Variants in CNTNAP5 observed in about 807,000 individuals in gnomAD.
CNTNAP5 encodes the protein contactin associated protein family member 5, also known as contactin-associated protein-like 5.
Under a neutral mutation model 150.2 loss-of-function variants are expected in CNTNAP5, and 72 were observed. The observed-to-expected ratio is 0.48, with a 90% CI of 0.40 to 0.58. CNTNAP5 has a LOEUF of 0.58. CNTNAP5 is among the 20% of genes least tolerant of loss of function. The pLI is 0.00. For synonymous variants in CNTNAP5, 672 were observed against 619.8 expected (o/e 1.08, Z -1.25); for missense variants, 1,636 against 1,626.2 (o/e 1.01, Z -0.10).
intron 1 of CNTNAP5, among the ~76,000 whole-genome samples, chr2:124,168,531 C>T (rs1047442354): frequency 2.6e-5 from 4 of 152,060 alleles, no homozygotes; most frequent in Non-Finnish European, 4.4e-5. Context: ...AAACCTGCTC[C>T]GATGTGGTTG....
chr2:124,076,590 G>C (rs563029992), intron 1 of CNTNAP5, among the ~76,000 whole-genome samples: 1 of 151,982 alleles, frequency 6.6e-6, no homozygotes, highest in Admixed American at 6.6e-5. Flanking sequence ...TTTTTTCTCA[G>C]TAATATCTGC....
At chr2:124,610,990 C>G (rs1006603943) in intron 12 of CNTNAP5, among the ~76,000 whole-genome samples, 1 of 151,120 alleles carries the variant, frequency 6.6e-6, no homozygotes, top group Non-Finnish European at 1.5e-5. Flanking sequence ...TGCAAGCACT[C>G]CTATTATGAG....
At chr2:124,589,614 C>CA (rs977697602) in intron 11 of CNTNAP5, among the ~76,000 whole-genome samples, 1 of 151,734 alleles carries the variant, frequency 6.6e-6, no homozygotes, top group Non-Finnish European at 1.5e-5. Flanking sequence ...AAACTTTGAA[C>CA]AAAAAAAAGC....
chr2:124,096,695 A>G (rs1003214794), intron 1 of CNTNAP5, among the ~76,000 whole-genome samples: 8 of 151,506 alleles, frequency 5.3e-5, no homozygotes, highest in African/African-American at 1.2e-4. Context: ...TTCTTTTATT[A>G]TTATTATTAT....
chr2:124,203,160 G>T (rs1333667709), intron 1 of CNTNAP5, among the ~76,000 whole-genome samples: 1 of 152,116 alleles, frequency 6.6e-6, no homozygotes, highest in East Asian at 1.9e-4. Context: ...TGGCCAAAAC[G>T]AAGGGGTTAC....
At chr2:124,713,997 G>A (rs879567307) in intron 13 of CNTNAP5, among the ~76,000 whole-genome samples, 2 of 151,974 alleles carry the variant, frequency 1.3e-5, no homozygotes, top group Non-Finnish European at 2.9e-5. Context: ...TTGCACATGT[G>A]GTTATTATTA....
chr2:124,036,506 G>T lies in CNTNAP5; in HGVS notation c.82+10774G>T, dbSNP rs563923135. ...GTGCTCTGTCAGTTGACAGTAATGGGGTCAACCAGGGCAGATGCTTTCTGA... is the reference window on the plus strand; with the variant it reads ...GTGCTCTGTCAGTTGACAGTAATGGTGTCAACCAGGGCAGATGCTTTCTGA... On this transcript the variant is annotated intron_variant, in intron 1 of 23. Transcript: ENST00000682447. Among the ~76,000 whole-genome samples, 3 of 152,008 alleles carry T rather than the reference G, an allele frequency of 2.0e-5. No individual in the cohort carries two copies. The South Asian group carries it at 6.3e-4, about 32-fold the overall frequency.
intron 1 of CNTNAP5, among the ~76,000 whole-genome samples, chr2:124,159,467 C>A (rs888510573): frequency 3.3e-5 from 5 of 150,634 alleles, no homozygotes; most frequent in Middle Eastern, 3.4e-3. Context: ...AGGTGGCAGG[C>A]CAGATTTGGC....
intron 8 of CNTNAP5, among the ~76,000 whole-genome samples, chr2:124,519,280 A>G (rs1276184953): frequency 2.0e-5 from 3 of 152,166 alleles, no homozygotes; most frequent in African/African-American, 7.2e-5. Context: ...TAGTGATTGT[A>G]TAACTCTGAA....
At chr2:124,092,874 A>G (rs1682847749) in intron 1 of CNTNAP5, among the ~76,000 whole-genome samples, 1 of 152,228 alleles carries the variant, frequency 6.6e-6, no homozygotes, top group Non-Finnish European at 1.5e-5. Context: ...AAATCACGTG[A>G]TACAAACAAT....
intron 5 of CNTNAP5, among the ~76,000 whole-genome samples, chr2:124,435,184 A>G (rs1192931449): frequency 6.6e-6 from 1 of 152,164 alleles, no homozygotes; most frequent in Non-Finnish European, 1.5e-5. Context: ...TCTTTTCTTT[A>G]GGTGCCCTCA....
intron 8 of CNTNAP5, among the ~76,000 whole-genome samples, chr2:124,512,610 T>C (rs765274998): frequency 2.0e-5 from 3 of 152,156 alleles, no homozygotes; most frequent in Non-Finnish European, 4.4e-5. Context: ...TCCCATTTAA[T>C]TCCTAGGAGC....
chr2:124,753,420 A>G (rs1394476246), intron 14 of CNTNAP5, among the ~76,000 whole-genome samples: 1 of 152,216 alleles, frequency 6.6e-6, no homozygotes, highest in East Asian at 1.9e-4. Flanking sequence ...TAGATAGGTC[A>G]GGCCATAGCC....
At chr2:124,622,059 A>G (rs929630260) in intron 12 of CNTNAP5, among the ~76,000 whole-genome samples, 2 of 152,026 alleles carry the variant, frequency 1.3e-5, no homozygotes, top group Non-Finnish European at 2.9e-5. Context: ...AGATCACCCC[A>G]TCACCTAGAT....
At chr2:124,080,974 T>C (rs1573739346) in intron 1 of CNTNAP5, among the ~76,000 whole-genome samples, 1 of 152,184 alleles carries the variant, frequency 6.6e-6, no homozygotes, top group African/African-American at 2.4e-5. Context: ...TAGTGATAAG[T>C]AGTCATTTGT....
In CNTNAP5 at chr2:124,033,976, G is replaced by A. The variant is rs554881184; in HGVS notation, c.82+8244G>A. 2.9e-4 allele frequency among the ~76,000 whole-genome samples: 44 copies of A among 152,216 alleles called. 2 individuals carry two copies. Among genetic ancestry groups the A allele is most frequent in the Admixed American group, 6.5e-5 (1 of 15,292 alleles). On this transcript the variant is annotated intron_variant, in intron 1 of 23. Transcript: ENST00000682447. The stretch of plus-strand genomic sequence containing the variant: ...GGGTATCTGGAAAAGGGAGGATAAT[G>A]TTTTGAATCTGGAAGGAGAAAGAAC...
At chr2:124,773,651 A>T (rs1397505669) in intron 17 of CNTNAP5, among the ~76,000 whole-genome samples, 2 of 152,082 alleles carry the variant, frequency 1.3e-5, no homozygotes, top group Non-Finnish European at 2.9e-5. Context: ...CACTACTTTC[A>T]TTCCACTCAT....
chr2:124,706,795 A>AAGAAGAAGAAGGAGGAGG (rs1553433527), intron 13 of CNTNAP5, among the ~76,000 whole-genome samples: 1 of 18,880 alleles, frequency 5.3e-5, no homozygotes, highest in Non-Finnish European at 1.0e-4. Flanking sequence ...GAAGAAGAAG[A>AAGAAGAAGAAGGAGGAGG]AGGAGGAGGA....
At chr2:124,714,056 G>A (rs1274101216) in intron 13 of CNTNAP5, among the ~76,000 whole-genome samples, 1 of 152,024 alleles carries the variant, frequency 6.6e-6, no homozygotes, top group African/African-American at 2.4e-5. Context: ...CCCAAACATA[G>A]TATGACATTT....
Sources: allele counts gnomAD v4.1 joint callset (sites outside exome capture counted in the v4.1 genomes callset), GRCh38; gene constraint gnomAD v4.1.1; transcripts MANE v1.5; gene names NCBI Gene and HGNC (gene_info 2026-07-23, HGNC 2026-07-21).